MTA3: variants seen among roughly 807,000 people sequenced by gnomAD.
MTA3 encodes the protein metastasis-associated protein MTA3.
Under a neutral mutation model 83.5 loss-of-function variants are expected in MTA3, and 34 were observed. The observed-to-expected ratio is 0.41, with a 90% CI of 0.31 to 0.54. MTA3 has a LOEUF of 0.54. Ranked by LOEUF, MTA3 falls within the 20% of genes least tolerant of loss-of-function variation. MTA3 has a pLI of 0.33. For missense variants in MTA3, 761 were observed against 726.4 expected (o/e 1.05, Z -0.55); for synonymous variants, 303 against 252.7 (o/e 1.20, Z -1.89).
intron 3 of MTA3, among the ~76,000 whole-genome samples, chr2:42,594,253 TTTTTTTTTTTTTA>T (rs1681407110): frequency 8.3e-6 from 1 of 119,762 alleles, no homozygotes; most frequent in Non-Finnish European, 1.8e-5. Context: ...CCTTTTTTTT[TTTTTTTTTTTTTA>T]AAAGACAGTC....
chr2:42,584,009 A>G (rs962131813), intron 3 of MTA3, among the ~76,000 whole-genome samples: 4 of 151,666 alleles, frequency 2.6e-5, no homozygotes, highest in African/African-American at 9.7e-5. Flanking sequence ...ATGCCTGACT[A>G]ATTTTATATT....
intron 16 of MTA3, among the ~76,000 whole-genome samples, chr2:42,736,604 G>C (rs934685101): frequency 2.0e-5 from 3 of 152,096 alleles, no homozygotes; most frequent in Non-Finnish European, 4.4e-5. Context: ...GAATCTACCT[G>C]GTGTTCTACC....
At position 42,521,868 on chromosome 2, in the gene MTA3, C is replaced by T. The variant is rs186897518; in HGVS notation, c.-141+26614C>T. On this transcript the variant is annotated intron_variant, in intron 2 of 17. Coordinates refer to the MTA3 transcript ENST00000405592. ...CTCCCCGGTTCAAGTGATTCTTCTG[C>T]CTCAGACTCCTGAGTAGCCGGGATT... is the stretch of plus-strand genomic sequence containing the variant. Among the ~76,000 whole-genome samples, 634 of 151,044 alleles carry T rather than the reference C, an allele frequency of 4.2e-3. 6 individuals carry two copies. The highest frequency in any genetic ancestry group is 0.015 in the African/African-American group (605 of 40,982).
At chr2:42,724,128 T>C (rs557860352) in intron 16 of MTA3, among the ~76,000 whole-genome samples, 3 of 152,220 alleles carry the variant, frequency 2.0e-5, no homozygotes, top group South Asian at 4.1e-4. Flanking sequence ...AGTGTGAAGA[T>C]TGGATGTATT....
At chr2:42,531,277 T>C (rs1675952174) in intron 2 of MTA3, among the ~76,000 whole-genome samples, 1 of 152,132 alleles carries the variant, frequency 6.6e-6, no homozygotes, top group Admixed American at 6.6e-5. Context: ...CTGTGGTATA[T>C]TGTTATTGCC....
At chr2:42,582,126 T>A (rs1053895282) in intron 3 of MTA3, among the ~76,000 whole-genome samples, 1 of 152,026 alleles carries the variant, frequency 6.6e-6, no homozygotes, top group Admixed American at 6.6e-5. Flanking sequence ...GGCGCGATCT[T>A]GGCTCACTGC....
upstream of MTA3, among the ~76,000 whole-genome samples, chr2:42,566,377 C>T (rs1558439291): frequency 1.3e-5 from 2 of 152,138 alleles, no homozygotes; most frequent in Admixed American, 6.5e-5. Context: ...TTTGAGTCCA[C>T]GATTTGTTGG....
chr2:42,716,062 T>C (rs1050337470), intron 14 of MTA3, among the ~76,000 whole-genome samples: 2 of 152,226 alleles, frequency 1.3e-5, no homozygotes, highest in African/African-American at 4.8e-5. Flanking sequence ...TCCTAGTGTT[T>C]ATTTAGATTA....
intron 8 of MTA3, among the ~76,000 whole-genome samples, chr2:42,660,978 C>T (rs1689639960): frequency 6.6e-6 from 1 of 152,120 alleles, no homozygotes; most frequent in Non-Finnish European, 1.5e-5. Context: ...AGCCACTGCT[C>T]CCAGCCTTGT....
chr2:42,605,866 C>T (rs62142700), intron 3 of MTA3, among the ~76,000 whole-genome samples: 1,745 of 126,354 alleles, frequency 0.014, 41 homozygotes, highest in Non-Finnish European at 0.023. Context: ...CCCTCCTGGA[C>T]GGGGCGGTTG....
At chr2:42,597,340 C>G (rs548456430) in intron 3 of MTA3, among the ~76,000 whole-genome samples, 1 of 148,616 alleles carries the variant, frequency 6.7e-6, no homozygotes, top group South Asian at 2.1e-4. Flanking sequence ...GTTGGGATTA[C>G]AGGAGTGAGC....
intron 4 of MTA3, among the ~76,000 whole-genome samples, chr2:42,615,031 C>G (rs1684689197): frequency 6.6e-6 from 1 of 150,982 alleles, no homozygotes; most frequent in Admixed American, 6.6e-5. Context: ...TGACTCATGA[C>G]TGTAATCCCG....
Position 42,729,089 on chromosome 2 carries a change from T to TTTTG in MTA3, c.1759+6057_1759+6058insGTTT, listed in dbSNP as rs1245303231. Among the ~76,000 whole-genome samples, 6 of 104,870 alleles carry TTTTG rather than the reference T, an allele frequency of 5.7e-5. No individual in the cohort carries two copies. The East Asian group carries it at 1.2e-3, about 21-fold the overall frequency. 68.8% of individuals were successfully genotyped at this position (104,870 alleles called of 152,430 possible). The stretch of plus-strand genomic sequence containing the variant: ...TTTTATTAGTTTCACAGTTTGAGTT[T>TTTTG]TTTTTTTTTTTTTTTTTTTTTTTTC... On this transcript the variant is annotated intron_variant, in intron 16 of 16. Coordinates refer to ENST00000405094, the MANE Select transcript of MTA3 (RefSeq NM_001330442.2).
intron 2 of MTA3, among the ~76,000 whole-genome samples, chr2:42,561,488 A>G (rs553647715): frequency 2.0e-5 from 3 of 151,938 alleles, no homozygotes; most frequent in African/African-American, 7.2e-5. Context: ...ACGCCTGACT[A>G]ATTTTTGTAT....
At chr2:42,510,006 C>T (rs944956828) in intron 2 of MTA3, among the ~76,000 whole-genome samples, 3 of 152,112 alleles carry the variant, frequency 2.0e-5, no homozygotes, top group Admixed American at 6.6e-5. Context: ...CCCATACCTG[C>T]CGTGTCTGCC....
chr2:42,651,105 G>A (rs1405849148), intron 6 of MTA3, among the ~76,000 whole-genome samples: 1 of 152,150 alleles, frequency 6.6e-6, no homozygotes, highest in African/African-American at 2.4e-5. Flanking sequence ...TAACACAATA[G>A]TAAGTATTGT....
At chr2:42,709,175 T>G (rs74676545) in intron 14 of MTA3, 79 bp downstream of exon 14, 3 of 1,489,076 alleles carry the variant, frequency 2.0e-6, no homozygotes, top group East Asian at 2.5e-5. Flanking sequence ...CTTTTTTTTT[T>G]GTTTGTTTGT....
At chr2:42,572,842 C>T (rs1678643534) in intron 2 of MTA3, among the ~76,000 whole-genome samples, 1 of 152,160 alleles carries the variant, frequency 6.6e-6, no homozygotes. Context: ...ATTCTACTGT[C>T]TCATCCTCCC....
chr2:42,629,829 AGTTCAGT>A (rs889675976), intron 4 of MTA3, among the ~76,000 whole-genome samples: 3 of 151,590 alleles, frequency 2.0e-5, no homozygotes, highest in Non-Finnish European at 4.4e-5. Context: ...CCCAGGCTGG[AGTTCAGT>A]GGCATGATCT....
Sources: allele counts gnomAD v4.1 joint callset (sites outside exome capture counted in the v4.1 genomes callset), GRCh38; gene constraint gnomAD v4.1.1; transcripts MANE v1.5; gene names NCBI Gene and HGNC (gene_info 2026-07-23, HGNC 2026-07-21).